DSE: variants seen among roughly 807,000 people sequenced by gnomAD.
DSE encodes dermatan-sulfate epimerase.
DSE carries 36 observed loss-of-function variants against 84.4 expected under a neutral mutation model. The ratio of observed to expected loss-of-function variants is 0.43; its 90% confidence interval spans 0.33 to 0.56. The LOEUF is 0.56. Among genes scored for constraint, DSE ranks in the 20% least tolerant of loss-of-function variants. DSE has a pLI of 0.06. For synonymous variants in DSE, 410 were observed against 430.1 expected (o/e 0.95, Z 0.58); for missense variants, 862 against 1,169.6 (o/e 0.74, Z 3.84).
At chr6:116,342,611 C>A (rs1446073882) in intron 2 of DSE, among the ~76,000 whole-genome samples, 2 of 152,188 alleles carry the variant, frequency 1.3e-5, no homozygotes, top group Non-Finnish European at 2.9e-5. Flanking sequence ...CTTGCCTGGG[C>A]AAAATTTGTA....
intron 2 of DSE, among the ~76,000 whole-genome samples, chr6:116,293,619 A>C (rs1774444057): frequency 6.6e-6 from 1 of 152,216 alleles, no homozygotes; most frequent in Non-Finnish European, 1.5e-5. Flanking sequence ...AATGAGCTAG[A>C]GGCCAGACAT....
At chr6:116,379,653 G>T (rs532378297) in intron 1 of DSE, among the ~76,000 whole-genome samples, 1 of 152,236 alleles carries the variant, frequency 6.6e-6, no homozygotes, top group African/African-American at 2.4e-5. Flanking sequence ...GTACTGTTCA[G>T]GGTGGATTCA....
chr6:116,374,751 C>T (rs954650846), intron 1 of DSE, among the ~76,000 whole-genome samples: 6 of 152,098 alleles, frequency 3.9e-5, no homozygotes, highest in African/African-American at 1.4e-4. Context: ...GTTTCTCTTC[C>T]TGTGAAACTA....
intron 2 of DSE, among the ~76,000 whole-genome samples, chr6:116,406,544 A>G (rs1562288683): frequency 6.6e-6 from 1 of 152,228 alleles, no homozygotes; most frequent in Admixed American, 6.5e-5. Flanking sequence ...TTTGGATGAA[A>G]TATTCACGCC....
chr6:116,351,003 CT>C (rs938611050), intron 2 of DSE, among the ~76,000 whole-genome samples: 1 of 151,658 alleles, frequency 6.6e-6, no homozygotes, highest in African/African-American at 2.4e-5. Context: ...AACTTACAGT[CT>C]TAAAAAAGAA....
At chr6:116,336,364 A>C (rs1777249555) in intron 2 of DSE, among the ~76,000 whole-genome samples, 1 of 152,200 alleles carries the variant, frequency 6.6e-6, no homozygotes, top group African/African-American at 2.4e-5. Flanking sequence ...AATTTGTAAG[A>C]GTTGTGTTAA....
upstream of DSE, among the ~76,000 whole-genome samples, chr6:116,367,464 A>G (rs896758820): frequency 1.3e-5 from 2 of 152,236 alleles, no homozygotes. Context: ...ACTCAAGAGG[A>G]GAACAGAAGC....
rs192288523 is a variant in DSE, at chr6:116,433,112, A to C, written c.911-231A>C. ...GTGTAGCACTAATGTTACCAAGGAC[A>C]GGTTACCACATAATAAATACAAGCT... On this transcript the variant is annotated intron_variant, in intron 4 of 5. Transcript: ENST00000644252. 6.2e-3 allele frequency: 3,306 copies of C among 533,426 alleles called. 15 individuals carry two copies. Among genetic ancestry groups the C allele is most frequent in the Non-Finnish European group, 8.2e-3 (2,440 of 297,128 alleles). 33.0% of individuals were successfully genotyped at this position (533,426 alleles called of 1,614,324 possible). A position where few individuals can be genotyped will look rare whatever the true frequency, so the allele number is the denominator to read the frequency against.
Position 116,400,063 on chromosome 6 carries a change from C to T in DSE, c.416+397C>T, listed in dbSNP as rs78651965. 782 of 173,112 alleles carry T rather than the reference C, an allele frequency of 4.5e-3. 12 individuals are homozygous for T. The highest frequency in any genetic ancestry group is 0.017 in the African/African-American group (730 of 41,856). 10.7% of individuals were successfully genotyped at this position (173,112 alleles called of 1,614,324 possible). A position where few individuals can be genotyped will look rare whatever the true frequency, so the allele number is the denominator to read the frequency against. ...AGACATTTCAAGTAATTAAGACTTA[C>T]TTGCATTTTATGATCGTAAGGAACT... On this transcript the variant is annotated intron_variant, in intron 2 of 5. Coordinates refer to ENST00000644252, the MANE Select transcript of DSE (RefSeq NM_013352.4).
intron 2 of DSE, among the ~76,000 whole-genome samples, chr6:116,296,627 G>A (rs1774682914): frequency 6.6e-6 from 1 of 152,178 alleles, no homozygotes; most frequent in South Asian, 2.1e-4. Flanking sequence ...TACATTATAA[G>A]TGGAATGAAC....
intron 1 of DSE, among the ~76,000 whole-genome samples, chr6:116,398,725 G>A (rs1182440553): frequency 6.6e-6 from 1 of 152,184 alleles, no homozygotes; most frequent in Non-Finnish European, 1.5e-5. Flanking sequence ...GTTCAGAAAT[G>A]TTAGGAAAAG....
intron 2 of DSE, among the ~76,000 whole-genome samples, chr6:116,264,413 G>GTT (rs1421288517): frequency 6.6e-6 from 1 of 152,004 alleles, no homozygotes; most frequent in Non-Finnish European, 1.5e-5. Context: ...CTTGTAGTGT[G>GTT]TTTTTCAGCT....
At position 116,438,947 on chromosome 6, in the gene DSE, T is replaced by TC. The variant is rs1185436233; in HGVS notation, c.*1606dup. ...ACGACTTCTGAGGAAGTAATTTTTT[T>TC]CCCCTCTCATGGAAAGTCTCTAGGG... On this transcript the variant is annotated 3_prime_UTR_variant, in exon 6 of 6. Coordinates refer to ENST00000644252, the MANE Select transcript of DSE (RefSeq NM_013352.4). 6.6e-6 allele frequency: 1 copy of TC among 152,182 alleles called. No individual in the cohort carries two copies. The highest frequency in any genetic ancestry group is 1.5e-5 in the Non-Finnish European group (1 of 68,012). 9.4% of individuals were successfully genotyped at this position (152,182 alleles called of 1,614,324 possible).
At chr6:116,390,658 TAAAG>T (rs745499118) in intron 1 of DSE, among the ~76,000 whole-genome samples, 5 of 152,132 alleles carry the variant, frequency 3.3e-5, no homozygotes, top group East Asian at 1.9e-4. Context: ...AAAATTGTAA[TAAAG>T]AAATACTAAT....
intron 2 of DSE, among the ~76,000 whole-genome samples, chr6:116,358,450 G>T (rs1778696724): frequency 6.6e-6 from 1 of 152,176 alleles, no homozygotes; most frequent in East Asian, 1.9e-4. Context: ...ACAAAGTGGT[G>T]ATGGAATATG....
At chr6:116,409,894 C>T (rs1396169240) in intron 2 of DSE, among the ~76,000 whole-genome samples, 4 of 152,092 alleles carry the variant, frequency 2.6e-5, no homozygotes, top group Non-Finnish European at 4.4e-5. Context: ...CTTGACTGTT[C>T]AAGCACAAGT....
At chr6:116,285,785 T>C (rs1773862130) in intron 2 of DSE, among the ~76,000 whole-genome samples, 1 of 152,184 alleles carries the variant, frequency 6.6e-6, no homozygotes, top group Non-Finnish European at 1.5e-5. Flanking sequence ...GGAATCCTTT[T>C]CCCATTTCTT....
intron 2 of DSE, among the ~76,000 whole-genome samples, chr6:116,365,017 T>C (rs1779085664): frequency 6.6e-6 from 1 of 151,890 alleles, no homozygotes; most frequent in Non-Finnish European, 1.5e-5. Context: ...TGTGTGTTTT[T>C]AGTAGAGATG....
At position 116,437,287 on chromosome 6, in the gene DSE, T is replaced by A. The variant is rs1428631708; in HGVS notation, c.2819T>A (p.Leu940His). ...HGQRCLYAVLLIDSCILLWLY... is the reference protein window; with the variant it reads ...HGQRCLYAVLHIDSCILLWLY... ...CAAAGATGTCTTTATGCAGTTCTTC[T>A]CATAGATAGCTGTATTTTATTATGG... Residue 940 changes from leucine (L) to histidine (H), a missense_variant, in exon 6 of 6, where the codon CTC becomes CAC. Transcript: ENST00000644252. 6.2e-7 allele frequency: 1 copy of A among 1,614,066 alleles called. No individual in the cohort carries two copies.
Sources: allele counts gnomAD v4.1 joint callset (sites outside exome capture counted in the v4.1 genomes callset), GRCh38; gene constraint gnomAD v4.1.1; transcripts MANE v1.5; gene names NCBI Gene and HGNC (gene_info 2026-07-23, HGNC 2026-07-21).